CCDC148: variants seen among roughly 807,000 people sequenced by gnomAD.
CCDC148 encodes coiled-coil domain containing 148.
CCDC148 carries 89 observed loss-of-function variants against 85.7 expected under a neutral mutation model. The ratio of observed to expected loss-of-function variants is 1.04; its 90% CI spans 0.87 to 1.24. The LOEUF is 1.24. CCDC148 is among the 50% of genes most tolerant of loss of function. The pLI is 0.00. For synonymous variants in CCDC148, 230 were observed against 213.9 expected, an observed-to-expected ratio of 1.08 and a Z score of -0.66; for missense variants, 692 against 671.7, an observed-to-expected ratio of 1.03 and a Z score of -0.33.
At chr2:158,231,259 C>A (rs901233252) in intron 10 of CCDC148, among the ~76,000 whole-genome samples, 1 of 152,156 alleles carries the variant, frequency 6.6e-6, no homozygotes, top group African/African-American at 2.4e-5. Flanking sequence ...GCTTTCTCTA[C>A]TAGAATGACT....
At chr2:158,265,391 A>G (rs1689412196) in intron 9 of CCDC148, among the ~76,000 whole-genome samples, 1 of 152,076 alleles carries the variant, frequency 6.6e-6, no homozygotes, top group Admixed American at 6.6e-5. Context: ...TTGTCTCTTC[A>G]TAAGAGTCAG....
At chr2:158,230,299 G>A (rs1687791758) in intron 10 of CCDC148, among the ~76,000 whole-genome samples, 1 of 152,196 alleles carries the variant, frequency 6.6e-6, no homozygotes, top group Non-Finnish European at 1.5e-5. Flanking sequence ...GATACGTAGA[G>A]TGATGGTTTA....
intron 10 of CCDC148, among the ~76,000 whole-genome samples, chr2:158,250,369 T>C (rs1688740117): frequency 6.6e-6 from 1 of 152,018 alleles, no homozygotes. Flanking sequence ...GTCTCTAGTA[T>C]AATATATTCT....
intron 1 of CCDC148, among the ~76,000 whole-genome samples, chr2:158,375,622 T>C (rs1280588995): frequency 2.0e-5 from 3 of 152,080 alleles, no homozygotes; most frequent in Non-Finnish European, 4.4e-5. Context: ...ACATTCTAAT[T>C]TTGTTCAGGG....
Position 158,269,728 on chromosome 2 carries a change from A to G in CCDC148, c.1111-18816T>C, listed in dbSNP as rs150634115. The stretch of plus-strand genomic sequence containing the variant: ...GCCCATAGTGGTGACCAACAAAATA[A>G]TGCATCCTTGGAATGGCTTTTCCTC... On this transcript the variant is annotated intron_variant, in intron 9 of 13. Transcript: ENST00000283233. Among the ~76,000 whole-genome samples the G allele has an allele frequency of 9.6e-3, 1,457 of 152,236 alleles. 18 individuals are homozygous for G. The highest frequency in any genetic ancestry group is 0.032 in the African/African-American group (1,350 of 41,556).
intron 1 of CCDC148, among the ~76,000 whole-genome samples, chr2:158,422,664 A>C (rs1686858672): frequency 6.6e-6 from 1 of 152,186 alleles, no homozygotes; most frequent in South Asian, 2.1e-4. Flanking sequence ...TTCCCTTTGA[A>C]AACTGGCACA....
intron 1 of CCDC148, among the ~76,000 whole-genome samples, chr2:158,428,250 G>A (rs1377350695): frequency 6.6e-6 from 1 of 152,096 alleles, no homozygotes. Context: ...AGTAAATGGG[G>A]TCAAAAGACT....
chr2:158,278,354 G>C (rs1416590413), intron 9 of CCDC148, among the ~76,000 whole-genome samples: 2 of 152,192 alleles, frequency 1.3e-5, no homozygotes, highest in Admixed American at 1.3e-4. Context: ...AAAGGGATCA[G>C]AGAGTGCCCT....
intron 1 of CCDC148, among the ~76,000 whole-genome samples, chr2:158,454,592 C>T (rs896281544): frequency 6.6e-5 from 10 of 152,174 alleles, no homozygotes; most frequent in African/African-American, 2.4e-4. Flanking sequence ...AGGAAAACCA[C>T]GTAAAGTGGG....
intron 1 of CCDC148, among the ~76,000 whole-genome samples, chr2:158,361,996 CAA>C (rs201419924): frequency 0.02 from 2,212 of 109,980 alleles, 29 homozygotes; most frequent in African/African-American, 0.041. Flanking sequence ...AATGGAAAGC[CAA>C]AAAAAAAAAA....
At chr2:158,243,222 C>T (rs183522883) in intron 10 of CCDC148, among the ~76,000 whole-genome samples, 1 of 152,226 alleles carries the variant, frequency 6.6e-6, no homozygotes, top group East Asian at 1.9e-4. Flanking sequence ...GGGCCAGCCA[C>T]AGTCTCTAAT....
chr2:158,216,284 T>G (rs932904214), intron 11 of CCDC148, among the ~76,000 whole-genome samples: 1 of 152,076 alleles, frequency 6.6e-6, no homozygotes, highest in Admixed American at 6.6e-5. Context: ...GTCCTCATTT[T>G]TACATGTTTT....
At chr2:158,271,188 C>T (rs982762952) in intron 9 of CCDC148, among the ~76,000 whole-genome samples, 10 of 152,050 alleles carry the variant, frequency 6.6e-5, no homozygotes, top group African/African-American at 2.4e-4. Flanking sequence ...TAATAAGCTA[C>T]TTTGAGGCTT....
At chr2:158,204,360 T>C (rs983949988) in intron 11 of CCDC148, among the ~76,000 whole-genome samples, 3 of 152,186 alleles carry the variant, frequency 2.0e-5, no homozygotes, top group African/African-American at 4.8e-5. Context: ...ATGGGCCTTA[T>C]AATTACTTTG....
intron 9 of CCDC148, among the ~76,000 whole-genome samples, chr2:158,257,799 C>T (rs1025593558): frequency 6.6e-6 from 1 of 151,690 alleles, no homozygotes; most frequent in Non-Finnish European, 1.5e-5. Context: ...TTAATTGGGT[C>T]CTGGAGGGTC....
At chr2:158,452,383 C>G (rs1688440302) in intron 1 of CCDC148, among the ~76,000 whole-genome samples, 1 of 152,098 alleles carries the variant, frequency 6.6e-6, no homozygotes, top group African/African-American at 2.4e-5. Context: ...TAGATCCTTT[C>G]CTGGTAGTAG....
chr2:158,411,448 C>G (rs540365029), intron 1 of CCDC148, among the ~76,000 whole-genome samples: 200 of 151,988 alleles, frequency 1.3e-3, no homozygotes, highest in Non-Finnish European at 2.4e-3. Flanking sequence ...CTGATTGTTT[C>G]TTCTGCTTGA....
chr2:158,290,767 C>A (rs1690852218), intron 9 of CCDC148, among the ~76,000 whole-genome samples: 1 of 152,138 alleles, frequency 6.6e-6, no homozygotes, highest in Admixed American at 6.5e-5. Flanking sequence ...ATTTTGGAAT[C>A]TTTTCCACAA....
intron 9 of CCDC148, among the ~76,000 whole-genome samples, chr2:158,299,564 T>G (rs1204085357): frequency 6.6e-6 from 1 of 152,196 alleles, no homozygotes; most frequent in Non-Finnish European, 1.5e-5. Flanking sequence ...CTTTTAAAAC[T>G]TCTCTTATTT....
Sources: allele counts gnomAD v4.1 joint callset (sites outside exome capture counted in the v4.1 genomes callset), GRCh38; gene constraint gnomAD v4.1.1; transcripts MANE v1.5; gene names NCBI Gene and HGNC (gene_info 2026-07-23, HGNC 2026-07-21).